The following CA10 variants were observed in gnomAD, a reference collection of about 807,000 sequenced individuals.
CA10 encodes the protein carbonic anhydrase 10 (inactive).
In CA10, 14 loss-of-function variants were observed where a neutral mutation model predicts 44.2. The ratio of observed to expected loss-of-function variants is 0.32; its 90% CI spans 0.21 to 0.50. The LOEUF (loss-of-function observed/expected upper bound fraction) is 0.50, where lower values mean the gene tolerates loss of function less well. CA10 is among the 20% of genes least tolerant of loss of function. The pLI is 0.99. For synonymous variants in CA10, 159 were observed against 141.6 expected, an observed-to-expected ratio of 1.12 and a Z score of -0.87; for missense variants, 350 against 409.7, an observed-to-expected ratio of 0.85 and a Z score of 1.26.
At chr17:52,107,432 T>A (rs1476201233) in intron 1 of CA10, among the ~76,000 whole-genome samples, 1 of 152,208 alleles carries the variant, frequency 6.6e-6, no homozygotes, top group Non-Finnish European at 1.5e-5. Context: ...TTTTCTTTTT[T>A]CCTATGACAA....
At chr17:52,041,930 T>C (rs1164652749) in intron 2 of CA10, among the ~76,000 whole-genome samples, 1 of 152,114 alleles carries the variant, frequency 6.6e-6, no homozygotes, top group Non-Finnish European at 1.5e-5. Context: ...TCTTCTTTTT[T>C]ACAACTAAAT....
intron 3 of CA10, among the ~76,000 whole-genome samples, chr17:51,921,333 T>A (rs1982223061): frequency 6.6e-6 from 1 of 152,178 alleles, no homozygotes; most frequent in African/African-American, 2.4e-5. Flanking sequence ...TCATTCAATT[T>A]TCACATAGCT....
chr17:52,048,043 T>TAAA (rs201519217), intron 2 of CA10, among the ~76,000 whole-genome samples: 6 of 133,474 alleles, frequency 4.5e-5, no homozygotes, highest in Non-Finnish European at 8.0e-5. Context: ...CCCACAAAAA[T>TAAA]TAAAAAAAAA....
At chr17:52,122,912 C>A (rs555245286) in intron 1 of CA10, among the ~76,000 whole-genome samples, 1 of 152,210 alleles carries the variant, frequency 6.6e-6, no homozygotes, top group Non-Finnish European at 1.5e-5. Context: ...ATCAAAGACT[C>A]TTTTTCTCCC....
At chr17:51,725,336 G>A (rs1916479308) in intron 4 of CA10, among the ~76,000 whole-genome samples, 1 of 152,236 alleles carries the variant, frequency 6.6e-6, no homozygotes, top group African/African-American at 2.4e-5. Context: ...TCTCATTGCT[G>A]TCGGCTTGAA....
chr17:51,940,110 T>C (rs11079987), intron 2 of CA10, among the ~76,000 whole-genome samples: 2 of 151,902 alleles, frequency 1.3e-5, no homozygotes, highest in Non-Finnish European at 2.9e-5. Context: ...ATTTTTTCCC[T>C]GATAAAAAGT....
intron 2 of CA10, among the ~76,000 whole-genome samples, chr17:51,971,380 T>C (rs1460531639): frequency 6.6e-6 from 1 of 152,136 alleles, no homozygotes. Flanking sequence ...GAGATTTTGT[T>C]TAAGTCTGTC....
chr17:52,062,718 G>A (rs1312511730), intron 2 of CA10, among the ~76,000 whole-genome samples: 1 of 152,178 alleles, frequency 6.6e-6, no homozygotes, highest in Non-Finnish European at 1.5e-5. Flanking sequence ...AAGTCTGTAG[G>A]CTCCTAGAAT....
At chr17:51,684,762 A>G (rs1022274096) in intron 4 of CA10, among the ~76,000 whole-genome samples, 2 of 152,206 alleles carry the variant, frequency 1.3e-5, no homozygotes, top group Non-Finnish European at 2.9e-5. Flanking sequence ...TGGTGCTCTC[A>G]AAGTGATTGT....
intron 1 of CA10, among the ~76,000 whole-genome samples, chr17:52,081,967 T>C (rs567061918): frequency 8.2e-4 from 125 of 152,212 alleles, no homozygotes; most frequent in Non-Finnish European, 1.5e-3. Flanking sequence ...AGGGAGTAAT[T>C]TGGGAGCATC....
intron 1 of CA10, among the ~76,000 whole-genome samples, chr17:52,078,268 A>T (rs1383256767): frequency 6.6e-6 from 1 of 152,242 alleles, no homozygotes; most frequent in Non-Finnish European, 1.5e-5. Flanking sequence ...GTAGGGAAGG[A>T]AATGGTGCAA....
intron 2 of CA10, among the ~76,000 whole-genome samples, chr17:52,025,771 T>C (rs2191400): frequency 0.38 from 57,195 of 151,814 alleles, 12,811 homozygotes; most frequent in East Asian, 0.74. Flanking sequence ...CAGCAAGTGA[T>C]AGGCAACTTT....
At chr17:51,866,724 A>T (rs1223259788) in intron 3 of CA10, among the ~76,000 whole-genome samples, 1 of 152,196 alleles carries the variant, frequency 6.6e-6, no homozygotes, top group Non-Finnish European at 1.5e-5. Context: ...GTGGTTGGCT[A>T]GTCAACCACT....
At chr17:51,669,577 T>A in intron 4 of CA10, among the ~76,000 whole-genome samples, 1 of 152,108 alleles carries the variant, frequency 6.6e-6, no homozygotes, top group Non-Finnish European at 1.5e-5. Context: ...TTATGAGCTG[T>A]AACACTCACC....
intron 1 of CA10, among the ~76,000 whole-genome samples, chr17:52,131,008 A>G (rs1453991280): frequency 6.6e-6 from 1 of 152,110 alleles, no homozygotes; most frequent in East Asian, 1.9e-4. Context: ...GAGGTAATAC[A>G]TATGTATAAT....
intron 1 of CA10, among the ~76,000 whole-genome samples, chr17:52,085,700 T>C (rs1244885780): frequency 1.3e-5 from 2 of 152,200 alleles, no homozygotes; most frequent in Non-Finnish European, 2.9e-5. Context: ...TTAAATAACC[T>C]CTTCATGAGA....
chr17:51,668,881 A>C (rs1030064865), intron 4 of CA10, among the ~76,000 whole-genome samples: 4 of 152,170 alleles, frequency 2.6e-5, no homozygotes, highest in African/African-American at 9.7e-5. Flanking sequence ...GGCCGGCATC[A>C]CAGGCCCTGG....
intron 3 of CA10, among the ~76,000 whole-genome samples, chr17:51,840,401 A>G (rs1403138440): frequency 6.6e-6 from 1 of 151,662 alleles, no homozygotes; most frequent in African/African-American, 2.4e-5. Flanking sequence ...TTCTGATTGC[A>G]TTATATTAGG....
intron 1 of CA10, among the ~76,000 whole-genome samples, chr17:52,102,645 C>T (rs1988566724): frequency 6.6e-6 from 1 of 152,196 alleles, no homozygotes; most frequent in Non-Finnish European, 1.5e-5. Context: ...CCTTGCCTTG[C>T]TTCTGTGTTC....
Sources: allele counts gnomAD v4.1 joint callset (sites outside exome capture counted in the v4.1 genomes callset), GRCh38; gene constraint gnomAD v4.1.1; transcripts MANE v1.5; gene names NCBI Gene and HGNC (gene_info 2026-07-23, HGNC 2026-07-21).